RIPOR2: variants seen among roughly 807,000 people sequenced by gnomAD.
RIPOR2 encodes rho family-interacting cell polarization regulator 2.
In RIPOR2, 39 loss-of-function variants were observed where a neutral mutation model predicts 114.5. That is an observed-to-expected ratio of 0.34 (90% CI 0.26 to 0.44). The LOEUF is 0.44. RIPOR2 is among the 20% of genes least tolerant of loss of function. RIPOR2 has a pLI of 1.00. For missense variants in RIPOR2, 1,007 were observed against 1,255.1 expected (o/e 0.80, Z 2.99); for synonymous variants, 445 against 484.4 (o/e 0.92, Z 1.07).
At chr6:25,014,521 C>A (rs1209757372) in intron 1 of RIPOR2, among the ~76,000 whole-genome samples, 1 of 152,200 alleles carries the variant, frequency 6.6e-6, no homozygotes, top group African/African-American at 2.4e-5. Context: ...ATTCTGGAAA[C>A]AGGGTTGGCA....
At chr6:24,857,477 T>C (rs1328960642) in intron 8 of RIPOR2, among the ~76,000 whole-genome samples, 1 of 152,120 alleles carries the variant, frequency 6.6e-6, no homozygotes. Context: ...TTGGAGGGTG[T>C]TACAGCAGCT....
intron 1 of RIPOR2, among the ~76,000 whole-genome samples, chr6:24,971,104 A>C (rs923032312): frequency 6.6e-6 from 1 of 152,210 alleles, no homozygotes; most frequent in Admixed American, 6.5e-5. Flanking sequence ...TACTAAAGGG[A>C]TGCTTCATAG....
At chr6:24,826,356 A>G (rs1760185239) in intron 18 of RIPOR2, among the ~76,000 whole-genome samples, 1 of 152,222 alleles carries the variant, frequency 6.6e-6, no homozygotes, top group African/African-American at 2.4e-5. Context: ...GAAATCCAGC[A>G]TGATCAACCA....
rs1396086635 is a variant in RIPOR2, at chr6:24,832,315, A to G, written c.2285T>C (p.Met762Thr). 7.7e-6 allele frequency: 12 copies of G among 1,551,826 alleles called. No homozygotes were observed. The highest frequency in any genetic ancestry group is 1.0e-5 in the Non-Finnish European group (12 of 1,147,000). ...ATCACTGACAGCTGCGAGTTTCTCC[A>G]TCACTTGGATCTGCCTAGAAAGCTT... ...LEKLSRQIQV[M>T]EKLAAVSDEN... Residue 762 changes from methionine (M) to threonine (T), a missense_variant, in exon 16 of 22, where the codon ATG (methionine) becomes ACG (threonine). By Grantham distance (81) the Met-to-Thr change is moderately conservative. Coordinates refer to ENST00000643898, the MANE Select transcript of RIPOR2 (RefSeq NM_001286445.3).
At chr6:25,031,552 G>A (rs1054537010) in intron 1 of RIPOR2, among the ~76,000 whole-genome samples, 11 of 146,182 alleles carry the variant, frequency 7.5e-5, no homozygotes, top group Non-Finnish European at 1.2e-4. Context: ...AACAAAGATT[G>A]ACTGATATAT....
chr6:25,032,046 C>G (rs913240758), intron 1 of RIPOR2, among the ~76,000 whole-genome samples: 3 of 151,736 alleles, frequency 2.0e-5, no homozygotes, highest in African/African-American at 7.3e-5. Context: ...CTCCCTCTCC[C>G]CTTCAAACCA....
intron 1 of RIPOR2, among the ~76,000 whole-genome samples, chr6:25,009,134 T>C (rs1448282846): frequency 1.3e-5 from 2 of 151,976 alleles, no homozygotes; most frequent in Non-Finnish European, 2.9e-5. Context: ...CATGGGCGAG[T>C]GATGTTGGTC....
intron 1 of RIPOR2, among the ~76,000 whole-genome samples, chr6:25,004,328 T>C (rs1462901877): frequency 6.6e-6 from 1 of 152,150 alleles, no homozygotes; most frequent in Non-Finnish European, 1.5e-5. Context: ...TAACTAAATA[T>C]CACACAATCA....
At chr6:25,018,626 C>T (rs937471468) in intron 1 of RIPOR2, among the ~76,000 whole-genome samples, 2 of 152,192 alleles carry the variant, frequency 1.3e-5, no homozygotes, top group African/African-American at 2.4e-5. Flanking sequence ...ATTGCTTCCT[C>T]CAATATGTTT....
intron 5 of RIPOR2, among the ~76,000 whole-genome samples, chr6:24,869,694 T>C (rs1352073713): frequency 1.3e-5 from 2 of 152,224 alleles, no homozygotes; most frequent in African/African-American, 4.8e-5. Context: ...TCCTTGTGTT[T>C]AACATGAAGA....
intron 21 of RIPOR2, among the ~76,000 whole-genome samples, chr6:24,806,842 C>T (rs771204072): frequency 3.3e-5 from 5 of 152,178 alleles, no homozygotes; most frequent in East Asian, 1.9e-4. Context: ...TGAACTTTTA[C>T]ATAACTTTTA....
chr6:24,850,299 T>C (rs1762756921), intron 10 of RIPOR2, among the ~76,000 whole-genome samples: 1 of 151,680 alleles, frequency 6.6e-6, no homozygotes, highest in African/African-American at 2.4e-5. Context: ...TTTGCCATGT[T>C]GGCCAGGCTG....
intron 1 of RIPOR2, among the ~76,000 whole-genome samples, chr6:25,008,504 C>A (rs9358818): frequency 0.13 from 19,053 of 152,234 alleles, 1,816 homozygotes; most frequent in East Asian, 0.5. Context: ...AGGCTCCAAG[C>A]CTTGAGGGGA....
chr6:24,853,391 G>C (rs1186964055), intron 8 of RIPOR2, among the ~76,000 whole-genome samples: 1 of 152,188 alleles, frequency 6.6e-6, no homozygotes, highest in Non-Finnish European at 1.5e-5. Context: ...CTCTGGGTTT[G>C]TCCAGTCTTT....
At chr6:24,998,877 AT>A (rs35140074) in intron 1 of RIPOR2, among the ~76,000 whole-genome samples, 62,113 of 150,528 alleles carry the variant, frequency 0.41, 12,820 homozygotes, top group South Asian at 0.48. Context: ...ATATGCAGTC[AT>A]TTTTTTTTTT....
chr6:24,859,642 G>C (rs868163642), intron 8 of RIPOR2, among the ~76,000 whole-genome samples: 5 of 152,174 alleles, frequency 3.3e-5, no homozygotes, highest in Admixed American at 6.5e-5. Flanking sequence ...TGCCGGAAGA[G>C]AAGCATGCAG....
chr6:24,945,830 T>C (rs1004319126), intron 1 of RIPOR2, among the ~76,000 whole-genome samples: 5 of 152,110 alleles, frequency 3.3e-5, no homozygotes, highest in African/African-American at 1.2e-4. Context: ...CAGTGATACC[T>C]CTATAAAAAA....
intron 1 of RIPOR2, among the ~76,000 whole-genome samples, chr6:24,923,709 G>T (rs1484548781): frequency 1.3e-5 from 2 of 152,184 alleles, no homozygotes; most frequent in South Asian, 4.2e-4. Flanking sequence ...AGCAGGGGAC[G>T]TGATGGCGCA....
In RIPOR2 at chr6:25,021,614, A is replaced by G. The variant is rs115526693; in HGVS notation, c.76+20237T>C. On this transcript the variant is annotated intron_variant, in intron 1 of 13. Coordinates refer to the RIPOR2 transcript ENST00000510784. ...GAGGATGCAAAGGCATAAGAAAGACACAAAGAACTCTGGGGATTCAGAGGG... is the reference window on the plus strand; with the variant it reads ...GAGGATGCAAAGGCATAAGAAAGACGCAAAGAACTCTGGGGATTCAGAGGG... Among the ~76,000 whole-genome samples the G allele has an allele frequency of 6.1e-3, 931 of 152,262 alleles. 9 individuals carry two copies. The highest frequency in any genetic ancestry group is 0.021 in the African/African-American group (892 of 41,524).
Sources: gnomAD v4.1 joint callset for allele counts (sites outside exome capture counted in the v4.1 genomes callset) on GRCh38, gnomAD v4.1.1 for gene constraint, MANE v1.5 for transcripts, NCBI Gene and HGNC (gene_info 2026-07-23, HGNC 2026-07-21) for gene names.